Variants in XYLT1 observed in about 807,000 individuals in gnomAD.
The protein encoded by XYLT1 is xylosyltransferase 1.
In XYLT1, 36 loss-of-function variants were observed where a neutral mutation model predicts 91.3. The ratio of observed to expected loss-of-function variants is 0.39; its 90% confidence interval spans 0.30 to 0.52. The LOEUF is 0.52. Ranked by LOEUF, XYLT1 falls within the 20% of genes least tolerant of loss-of-function variation. The probability of loss-of-function intolerance (pLI) is 0.68; values close to 1 mark genes in which losing one functional copy is unlikely to be tolerated. For missense variants in XYLT1, 1,242 were observed against 1,284.5 expected (o/e 0.97, Z 0.51); for synonymous variants, 588 against 532.0 (o/e 1.11, Z -1.45).
At chr16:17,322,109 C>G (rs1010480650) in intron 2 of XYLT1, among the ~76,000 whole-genome samples, 1 of 152,178 alleles carries the variant, frequency 6.6e-6, no homozygotes. Flanking sequence ...TTACTTAACT[C>G]ACATGGCAAC....
At chr16:17,165,695 A>AAAAC (rs902564552) in intron 5 of XYLT1, among the ~76,000 whole-genome samples, 1 of 152,218 alleles carries the variant, frequency 6.6e-6, no homozygotes, top group African/African-American at 2.4e-5. Context: ...TCTGCCTCAA[A>AAAAC]AAACAAACAA....
intron 1 of XYLT1, among the ~76,000 whole-genome samples, chr16:17,452,161 C>T (rs1171107555): frequency 6.6e-6 from 1 of 152,078 alleles, no homozygotes; most frequent in Non-Finnish European, 1.5e-5. Context: ...CTAAGAGGAA[C>T]GAAATTAGCA....
rs988158356 is a variant in XYLT1, at chr16:17,107,537, G to A, written c.*1158C>T. On this transcript the variant is annotated 3_prime_UTR_variant, in exon 12 of 12. Coordinates refer to ENST00000261381, the MANE Select transcript of XYLT1 (RefSeq NM_022166.4). ...ATGTCCCGTTGAGCCTGTGGCCGAA[G>A]GGCATGAAATTAAAAACCAAATCTG... 1 of 152,644 alleles carries A rather than the reference G, an allele frequency of 6.6e-6. No individual in the cohort carries two copies. The highest frequency in any genetic ancestry group is 1.5e-5 in the Non-Finnish European group (1 of 68,046). The allele number at this position is 152,644 out of a possible 1,614,324, so 9.5% of individuals were successfully genotyped here.
intron 3 of XYLT1, among the ~76,000 whole-genome samples, chr16:17,209,764 T>C (rs923155294): frequency 3.9e-5 from 6 of 152,228 alleles, no homozygotes; most frequent in African/African-American, 1.4e-4. Context: ...TACAGCCTGA[T>C]TGTGGAGGAG....
At chr16:17,144,862 A>G (rs2031091408) in intron 6 of XYLT1, among the ~76,000 whole-genome samples, 1 of 152,130 alleles carries the variant, frequency 6.6e-6, no homozygotes, top group Non-Finnish European at 1.5e-5. Context: ...CTGGAGGGGG[A>G]TCAGGGGCTC....
At chr16:17,264,890 T>C (rs2033779598) in intron 2 of XYLT1, among the ~76,000 whole-genome samples, 1 of 152,126 alleles carries the variant, frequency 6.6e-6, no homozygotes, top group African/African-American at 2.4e-5. Flanking sequence ...ATGGGGATGA[T>C]AATAATATCC....
At chr16:17,413,913 T>C (rs1334280341) in intron 1 of XYLT1, among the ~76,000 whole-genome samples, 2 of 151,760 alleles carry the variant, frequency 1.3e-5, no homozygotes, top group Non-Finnish European at 2.9e-5. Flanking sequence ...AAGCCAATTT[T>C]CCCCCGCCCT....
chr16:17,461,234 C>G (rs1006214011), intron 1 of XYLT1, among the ~76,000 whole-genome samples: 7 of 152,240 alleles, frequency 4.6e-5, no homozygotes, highest in African/African-American at 1.7e-4. Context: ...GACCTCAGGG[C>G]TCCCAGGGCT....
At chr16:17,202,362 G>C (rs1303283761) in intron 3 of XYLT1, among the ~76,000 whole-genome samples, 1 of 152,170 alleles carries the variant, frequency 6.6e-6, no homozygotes, top group Non-Finnish European at 1.5e-5. Flanking sequence ...CGTAGTTCCA[G>C]GAGACAAGAC....
At chr16:17,187,629 T>C (rs112397087) in intron 5 of XYLT1, among the ~76,000 whole-genome samples, 1,892 of 150,992 alleles carry the variant, frequency 0.013, 42 homozygotes, top group African/African-American at 0.043. Context: ...GTGTATTTTA[T>C]CACTTTTCTT....
intron 3 of XYLT1, among the ~76,000 whole-genome samples, chr16:17,213,854 T>C (rs1045421137): frequency 3.3e-5 from 5 of 152,118 alleles, no homozygotes; most frequent in Non-Finnish European, 7.4e-5. Context: ...CCTGACCTTG[T>C]GATTCGCCCG....
rs373241882 is a variant in XYLT1, at chr16:17,258,991, C to T, written c.910G>A (p.Glu304Lys). 7 of 1,497,806 alleles carry T rather than the reference C, an allele frequency of 4.7e-6. No individual in the cohort carries two copies. The South Asian group carries it at 7.1e-5, about 15-fold the overall frequency. 92.8% of individuals were successfully genotyped at this position (1,497,806 alleles called of 1,614,324 possible). A position where few individuals can be genotyped will look rare whatever the true frequency, so the allele number is the denominator to read the frequency against. The change falls in exon 3 of 12, where the codon GAG (glutamate) becomes AAG (lysine). Residue 304 changes from glutamate (E) to lysine (K), a missense_variant. By Grantham distance (56) the Glu-to-Lys change is moderately conservative. Around this residue, in one of 3 missense-constraint regions of XYLT1, gnomAD observed 437 missense variants for 411.5 expected, o/e 1.06. Coordinates refer to ENST00000261381, the MANE Select transcript of XYLT1 (RefSeq NM_022166.4). ...PEKVTRFCPL[E>K]GKANKNVQWD... ...AGCCAGCGGGGTTGGAACTTACCCT[C>T]GAGGGGGCAGAACCGAGTCACCTTC...
At chr16:17,213,230 A>G (rs2032795714) in intron 3 of XYLT1, among the ~76,000 whole-genome samples, 1 of 152,154 alleles carries the variant, frequency 6.6e-6, no homozygotes, top group South Asian at 2.1e-4. Flanking sequence ...CCTGTAAGAC[A>G]TACCTACATC....
In XYLT1 at chr16:17,205,910, C is replaced by T. The variant is rs74010738; in HGVS notation, c.914-5256G>A. Among the ~76,000 whole-genome samples, 788 of 152,228 alleles carry T rather than the reference C, an allele frequency of 5.2e-3. 2 individuals carry two copies. The highest frequency in any genetic ancestry group is 0.016 in the African/African-American group (684 of 41,542). On this transcript the variant is annotated intron_variant, in intron 3 of 11. Coordinates refer to ENST00000261381, the MANE Select transcript of XYLT1 (RefSeq NM_022166.4). Reference sequence around the variant, plus strand: ...CAAGGGGCACTTTCTGACTTACTTCCAACTAAGAGGGTTAGTTGGGTCTTG... The same window carrying T: ...CAAGGGGCACTTTCTGACTTACTTCTAACTAAGAGGGTTAGTTGGGTCTTG...
chr16:17,335,723 G>A (rs2034970747), intron 2 of XYLT1, among the ~76,000 whole-genome samples: 1 of 151,094 alleles, frequency 6.6e-6, no homozygotes, highest in Admixed American at 6.6e-5. Flanking sequence ...CATTCATTGA[G>A]TAACTTTTCC....
At chr16:17,315,394 C>G (rs2034613288) in intron 2 of XYLT1, among the ~76,000 whole-genome samples, 2 of 152,200 alleles carry the variant, frequency 1.3e-5, no homozygotes, top group Admixed American at 6.5e-5. Flanking sequence ...GCTGAAATGT[C>G]AGTTTCCTGG....
chr16:17,190,654 A>G (rs756640141), intron 5 of XYLT1, among the ~76,000 whole-genome samples: 10 of 152,082 alleles, frequency 6.6e-5, no homozygotes, highest in Non-Finnish European at 1.5e-4. Context: ...ATAGTATTCC[A>G]TGGTGTATAT....
chr16:17,199,031 A>G (rs1212130027), intron 4 of XYLT1, among the ~76,000 whole-genome samples: 1 of 152,226 alleles, frequency 6.6e-6, no homozygotes, highest in African/African-American at 2.4e-5. Flanking sequence ...GGCATGAGCC[A>G]CTGCACCTGG....
At chr16:17,470,346 T>A in intron 1 of XYLT1, 88 bp downstream of exon 1, 1 of 1,195,698 alleles carries the variant, frequency 8.4e-7, no homozygotes, top group East Asian at 3.4e-5. Context: ...CCCAGTCTGA[T>A]GACCGAGTTC....
Sources: gnomAD v4.1 joint callset for allele counts (sites outside exome capture counted in the v4.1 genomes callset) on GRCh38, gnomAD v4.1.1 for gene constraint, gnomAD v4.1.1 regional missense constraint, MANE v1.5 for transcripts, NCBI Gene and HGNC (gene_info 2026-07-23, HGNC 2026-07-21) for gene names.